Variants in BTN2A2 observed in about 807,000 individuals in gnomAD.
BTN2A2 encodes the protein butyrophilin subfamily 2 member A2.
In BTN2A2, 29 loss-of-function variants were observed where a neutral mutation model predicts 34.7. That is an observed-to-expected ratio of 0.84 (90% CI 0.62 to 1.14). The LOEUF is 1.14. Ranked by LOEUF, BTN2A2 falls within the 50% of genes most tolerant of loss-of-function variation. The pLI is 0.00. For synonymous variants in BTN2A2, 240 were observed against 253.1 expected (o/e 0.95, Z 0.49); for missense variants, 612 against 651.5 (o/e 0.94, Z 0.66).
At position 26,394,328 on chromosome 6, in the gene BTN2A2, A is replaced by G. The variant is rs1449574362; in HGVS notation, c.*1361A>G. The G allele has an allele frequency of 2.9e-6, 2 of 700,696 alleles. No homozygotes were observed. The highest frequency in any genetic ancestry group is 1.5e-5 in the South Asian group (1 of 67,476). 43.4% of individuals were successfully genotyped at this position (700,696 alleles called of 1,614,324 possible). ...AACCTGACTGGATTAAGGAATACCT[A>G]GACAGCTGGTACAACATTATTTCTG... On this transcript the variant is annotated 3_prime_UTR_variant, in exon 8 of 8. Transcript: ENST00000356709.
Position 26,388,112 on chromosome 6 carries a change from T to C in BTN2A2, c.542T>C (p.Val181Ala), listed in dbSNP as rs754835854. The change falls in exon 4 of 8, where the codon GTG becomes GCG. Residue 181 changes from valine (V) to alanine (A), a missense_variant. Physicochemically the swap from Val to Ala is moderately conservative, Grantham distance 64. Transcript: ENST00000356709. ...SGGWYPEPLT[V>A]WRDPYGEVVP... ...GGGTGGTACCCAGAGCCCCTCACAG[T>C]GTGGAGGGACCCCTACGGTGAGGTT... is the stretch of plus-strand genomic sequence containing the variant. 6.2e-7 allele frequency: 1 copy of C among 1,614,046 alleles called. No individual in the cohort carries two copies. Among genetic ancestry groups the C allele is most frequent in the Non-Finnish European group, 8.5e-7 (1 of 1,179,994 alleles).
chr6:26,390,805 T>C lies in BTN2A2; in HGVS notation c.955T>C (p.Trp319Arg). ...TCACCTCTGTCTGTCCCTTGCAGGATGGAGAAGAACATTCTTACATGCTGG... is the reference window on the plus strand; with the variant it reads ...TCACCTCTGTCTGTCCCTTGCAGGACGGAGAAGAACATTCTTACATGCTGG... The part of the protein sequence containing the change: ...IAQQLQEELR[W>R]RRTFLHAADV... The change falls in exon 7 of 8, where the codon TGG (tryptophan) becomes CGG (arginine). Residue 319 changes from tryptophan (W) to arginine (R), a missense_variant and splice_region_variant. By Grantham distance (101) the Trp-to-Arg change is moderately radical. Transcript: ENST00000356709. 1 of 1,614,258 alleles carries C rather than the reference T, an allele frequency of 6.2e-7. No individual in the cohort carries two copies. Among genetic ancestry groups the C allele is most frequent in the Non-Finnish European group, 8.5e-7 (1 of 1,180,048 alleles).
intron 4 of BTN2A2, among the ~76,000 whole-genome samples, chr6:26,388,984 G>A (rs1254163706): frequency 6.6e-6 from 1 of 152,074 alleles, no homozygotes; most frequent in East Asian, 1.9e-4. Context: ...GCCGAGTGCG[G>A]TAGCAGGCGC....
rs1427567544 is a variant in BTN2A2, at chr6:26,390,521, C to G, written c.932-166C>G. The G allele has an allele frequency of 8.0e-6, 7 of 871,668 alleles. No homozygotes were observed. In the South Asian group the frequency reaches 1.1e-4, roughly 14 times the overall value. 54.0% of individuals were successfully genotyped at this position (871,668 alleles called of 1,614,324 possible). ...CTAACAATGTACTGATACTACCCAG[C>G]CATCTGATCATACATCATTGCTGGT... is the stretch of plus-strand genomic sequence containing the variant. On this transcript the variant is annotated intron_variant, in intron 5 of 7. Transcript: ENST00000356709.
chr6:26,390,925 C>G (rs9467748), intron 7 of BTN2A2, 96 bp downstream of exon 7: 331,004 of 1,583,604 alleles, frequency 0.21, 43,987 homozygotes, highest in African/African-American at 0.64. Flanking sequence ...CCCAGGGCTA[C>G]ACAGGGACCA....
In BTN2A2 at chr6:26,390,688, G is replaced by A. The variant is rs1761521288; in HGVS notation, c.933G>A (p.Gln311=). The change falls in exon 6 of 8, where the codon CAG becomes CAA. Residue 311 remains glutamine, a splice_region_variant and synonymous_variant. Transcript: ENST00000356709. ...TTTGTTTCTGTATTTTGTTTTCAGAGCAACTTCAAGAAGAATTGCGTAAGT... is the reference window on the plus strand; with the variant it reads ...TTTGTTTCTGTATTTTGTTTTCAGAACAACTTCAAGAAGAATTGCGTAAGT... ...KVEQEEKEIA[Q]QLQEELRWRR... 4 of 1,614,086 alleles carry A rather than the reference G, an allele frequency of 2.5e-6. No individual in the cohort carries two copies. Among genetic ancestry groups the A allele is most frequent in the South Asian group, 2.2e-5 (2 of 91,094 alleles).
At chr6:26,392,189 G>C in intron 7 of BTN2A2, 186 bp from the exon 8 acceptor site, 1 of 1,517,626 alleles carries the variant, frequency 6.6e-7, no homozygotes. Flanking sequence ...TCTGTCTCTG[G>C]AGAGATAGAA....
rs1330750392 is a variant in BTN2A2, at chr6:26,394,295, T to C, written c.*1328T>C. 3 of 700,766 alleles carry C rather than the reference T, an allele frequency of 4.3e-6. No individual in the cohort carries two copies. The highest frequency in any genetic ancestry group is 7.8e-6 in the Non-Finnish European group (3 of 384,772). 43.4% of individuals were successfully genotyped at this position (700,766 alleles called of 1,614,324 possible). A position where few individuals can be genotyped will look rare whatever the true frequency, so the allele number is the denominator to read the frequency against. On this transcript the variant is annotated 3_prime_UTR_variant, in exon 8 of 8. Transcript: ENST00000356709. ...AGTTAATCCATGTGCTGGTTAATTTTAGATGTCAACCTGACTGGATTAAGG... is the reference window on the plus strand; with the variant it reads ...AGTTAATCCATGTGCTGGTTAATTTCAGATGTCAACCTGACTGGATTAAGG...
Position 26,383,512 on chromosome 6 carries a change from G to A in BTN2A2, c.-30-280G>A, listed in dbSNP as rs115463107. 2.9e-3 allele frequency: 960 copies of A among 326,436 alleles called. 12 individuals carry two copies. The highest frequency in any genetic ancestry group is 0.018 in the African/African-American group (836 of 46,166). 20.2% of individuals were successfully genotyped at this position (326,436 alleles called of 1,614,324 possible). The stretch of plus-strand genomic sequence containing the variant: ...CTCGGGGAGGGGGAAGTGGAGGGAC[G>A]AGGGTGTGAAAGAATCCAGGGACAA... On this transcript the variant is annotated intron_variant, in intron 1 of 7. Coordinates refer to ENST00000356709, the MANE Select transcript of BTN2A2 (RefSeq NM_006995.5). The surrounding 1 kb of genome is among the most constrained non-coding windows in gnomAD (Gnocchi z 4.4).
chr6:26,387,581 A>G (rs1470702088), intron 3 of BTN2A2, among the ~76,000 whole-genome samples: 1 of 98,578 alleles, frequency 1.0e-5, no homozygotes, highest in Non-Finnish European at 1.8e-5. Flanking sequence ...AAAAAAAAAA[A>G]AAGAAAGAAA....
chr6:26,392,385 C>T lies in BTN2A2; in HGVS notation c.990C>T (p.Val330=), dbSNP rs368319822. The T allele has an allele frequency of 2.5e-6, 4 of 1,614,138 alleles. No homozygotes were observed. The South Asian group carries it at 3.3e-5, about 13-fold the overall frequency. Residue 330 remains valine (V), a synonymous_variant, in exon 8 of 8, where the codon GTC becomes GTT. Coordinates refer to ENST00000356709, the MANE Select transcript of BTN2A2 (RefSeq NM_006995.5). ...RRTFLHAADV[V]LDPDTAHPEL... Reference sequence around the variant, plus strand: ...AGACTTCCTCTGCAGCTGATGTGGTCCTGGATCCAGACACCGCTCATCCCG... The same window carrying T: ...AGACTTCCTCTGCAGCTGATGTGGTTCTGGATCCAGACACCGCTCATCCCG...
Position 26,385,014 on chromosome 6 carries a change from G to A in BTN2A2, c.95-1G>A, listed in dbSNP as rs1561823938. 3 of 1,613,098 alleles carry A rather than the reference G, an allele frequency of 1.9e-6. No homozygotes were observed. Among genetic ancestry groups the A allele is most frequent in the Non-Finnish European group, 1.7e-6 (2 of 1,179,216 alleles). On this transcript the variant is annotated splice_acceptor_variant, in intron 2 of 7. Coordinates refer to ENST00000356709, the MANE Select transcript of BTN2A2 (RefSeq NM_006995.5). LOFTEE classifies it high-confidence loss of function. ...TGTCTGATTCTGCCCTTGTTGAACA[G>A]CCCAGTTTACTGTCGTGGGGCCAGC...
In BTN2A2 at chr6:26,388,132, G is replaced by A. The variant is rs1194264211; in HGVS notation, c.562G>A (p.Glu188Lys). Reference sequence around the variant, plus strand: ...CACAGTGTGGAGGGACCCCTACGGTGAGGTTGTGCCCGCCCTGAAGGAGGT... The same window carrying A: ...CACAGTGTGGAGGGACCCCTACGGTAAGGTTGTGCCCGCCCTGAAGGAGGT... ...PLTVWRDPYGEVVPALKEVSI... is the reference protein window; with the variant it reads ...PLTVWRDPYGKVVPALKEVSI... Residue 188 changes from glutamate (E) to lysine (K), a missense_variant, in exon 4 of 8, where the codon GAG (glutamate) becomes AAG (lysine). Glu to Lys is a moderately conservative substitution (Grantham distance 56, BLOSUM62 1). Coordinates refer to ENST00000356709, the MANE Select transcript of BTN2A2 (RefSeq NM_006995.5). 2 of 1,614,058 alleles carry A rather than the reference G, an allele frequency of 1.2e-6. No homozygotes were observed. The highest frequency in any genetic ancestry group is 1.7e-6 in the Non-Finnish European group (2 of 1,180,040).
Position 26,392,847 on chromosome 6 carries a change from C to T in BTN2A2, c.1452C>T (p.Phe484=). The change falls in exon 8 of 8, where the codon TTC becomes TTT. Residue 484 remains phenylalanine, a synonymous_variant. Transcript: ENST00000356709. The part of the protein sequence containing the change: ...SAFTVPVRPF[F]RLGSDDSPIF... The stretch of plus-strand genomic sequence containing the variant: ...TTACTGTGCCTGTGAGGCCCTTCTT[C>T]AGGTTAGGGTCTGATGACAGCCCCA... 6.2e-7 allele frequency: 1 copy of T among 1,614,186 alleles called. No homozygotes were observed.
chr6:26,388,435 G>A (rs1761353227), intron 4 of BTN2A2, 141 bp downstream of exon 4: 2 of 950,902 alleles, frequency 2.1e-6, no homozygotes, highest in Non-Finnish European at 3.2e-6. Flanking sequence ...GCTGAGTTGA[G>A]ACGTCTCCCC....
rs1231657450 is a variant in BTN2A2, at chr6:26,383,892, T to C, written c.71T>C (p.Leu24Pro). Residue 24 changes from leucine (L) to proline (P), a missense_variant, in exon 2 of 8, where the codon CTC (leucine) becomes CCC (proline). Leu to Pro is a moderately conservative substitution (Grantham distance 98). Transcript: ENST00000356709. The surrounding 1 kb of genome is among the most constrained non-coding windows in gnomAD (Gnocchi z 4.4). ...CTCCTCCTCCTGCTCCTCCTCCTTC[T>C]CAGCCTGTGTGCACTGGTCTCAGGT... ...SLLLLLLLLL[L>P]SLCALVSAQF... 3 of 1,613,980 alleles carry C rather than the reference T, an allele frequency of 1.9e-6. No individual in the cohort carries two copies. The African/African-American group carries it at 4.0e-5, about 22-fold the overall frequency.
At position 26,393,097 on chromosome 6, in the gene BTN2A2, T is replaced by C. The variant is rs1291845284; in HGVS notation, c.*130T>C. 12 of 1,610,250 alleles carry C rather than the reference T, an allele frequency of 7.5e-6. No homozygotes were observed. Among genetic ancestry groups the C allele is most frequent in the South Asian group, 5.6e-5 (5 of 90,064 alleles). ...GTAAGAGAACATCTTCCAGCTGCCT[T>C]TTTCACACCCACTCCAGCCCTCTGC... is the stretch of plus-strand genomic sequence containing the variant. On this transcript the variant is annotated 3_prime_UTR_variant, in exon 8 of 8. Coordinates refer to ENST00000356709, the MANE Select transcript of BTN2A2 (RefSeq NM_006995.5).
Position 26,383,992 on chromosome 6 carries a change from G to A in BTN2A2, c.94+77G>A, listed in dbSNP as rs1021866088. The A allele has an allele frequency of 1.3e-5, 20 of 1,493,106 alleles. No individual in the cohort carries two copies. Among genetic ancestry groups the A allele is most frequent in the Admixed American group, 1.0e-4 (6 of 59,222 alleles). 92.5% of individuals were successfully genotyped at this position (1,493,106 alleles called of 1,614,324 possible). A position where few individuals can be genotyped will look rare whatever the true frequency, so the allele number is the denominator to read the frequency against. The stretch of plus-strand genomic sequence containing the variant: ...CCTGTAGTCTGCAAAGGGAAAGAAG[G>A]AAGAACTGTGGGGTTGTTGACTTAT... On this transcript the variant is annotated intron_variant, in intron 2 of 7. Transcript: ENST00000356709. This position sits in a 1 kb window ranked among gnomAD's most constrained non-coding sequence, Gnocchi z 4.4.
intron 3 of BTN2A2, among the ~76,000 whole-genome samples, chr6:26,385,994 A>C (rs1416305686): frequency 6.6e-6 from 1 of 152,236 alleles, no homozygotes; most frequent in Non-Finnish European, 1.5e-5. Flanking sequence ...ACTGTCAAAA[A>C]TTGTCCCGGG....
Sources: allele counts gnomAD v4.1 joint callset (sites outside exome capture counted in the v4.1 genomes callset), GRCh38; gene constraint gnomAD v4.1.1; non-coding constraint Gnocchi (gnomAD v3.1); transcripts MANE v1.5; gene names NCBI Gene and HGNC (gene_info 2026-07-23, HGNC 2026-07-21).